Variants in STPG2 observed in about 807,000 individuals in gnomAD.
STPG2 encodes the protein sperm tail PG-rich repeat containing 2, also known as sperm-tail PG-rich repeat-containing protein 2.
In STPG2, 56 loss-of-function variants were observed where a neutral mutation model predicts 54.2. That is an observed-to-expected ratio of 1.03 (90% CI 0.83 to 1.29). The LOEUF is 1.29. STPG2 is among the 50% of genes most tolerant of loss of function. The pLI is 0.00. For missense variants in STPG2, 596 were observed against 544.9 expected (o/e 1.09, Z -0.93); for synonymous variants, 200 against 181.8 (o/e 1.10, Z -0.81).
intron 9 of STPG2, among the ~76,000 whole-genome samples, chr4:97,768,054 T>C (rs748928999): frequency 6.6e-6 from 1 of 151,784 alleles, no homozygotes; most frequent in Admixed American, 6.6e-5. Context: ...GTAGTCCCAG[T>C]TACTCGGGAA....
chr4:97,825,847 T>A (rs955922359), intron 9 of STPG2, among the ~76,000 whole-genome samples: 24 of 152,056 alleles, frequency 1.6e-4, no homozygotes, highest in African/African-American at 5.1e-4. Context: ...ATATCTTTGG[T>A]AAATAAATAA....
intron 5 of STPG2, among the ~76,000 whole-genome samples, chr4:98,054,557 TA>T (rs1737426023): frequency 6.6e-6 from 1 of 152,186 alleles, no homozygotes; most frequent in Admixed American, 6.5e-5. Context: ...GCTAATGTTT[TA>T]ACTCAAAAAT....
At chr4:98,112,064 A>G (rs545248029) in intron 3 of STPG2, among the ~76,000 whole-genome samples, 10 of 152,192 alleles carry the variant, frequency 6.6e-5, no homozygotes, top group Non-Finnish European at 1.0e-4. Flanking sequence ...GCTTGCAGAC[A>G]GCATATCATG....
At chr4:97,921,109 T>C (rs72892955) in intron 8 of STPG2, among the ~76,000 whole-genome samples, 6,107 of 152,218 alleles carry the variant, frequency 0.04, 406 homozygotes, top group African/African-American at 0.14. Flanking sequence ...ATTATTTGTG[T>C]CACTCCCATC....
chr4:97,696,185 A>T (rs1723567387), intron 10 of STPG2, among the ~76,000 whole-genome samples: 1 of 152,208 alleles, frequency 6.6e-6, no homozygotes, highest in Non-Finnish European at 1.5e-5. Flanking sequence ...CAAATGAAAC[A>T]TAATTGAACA....
At chr4:98,089,079 T>C (rs1438952319) in intron 5 of STPG2, among the ~76,000 whole-genome samples, 3 of 152,104 alleles carry the variant, frequency 2.0e-5, no homozygotes, top group Non-Finnish European at 4.4e-5. Context: ...TCAATAGTTT[T>C]TGGAGTACAG....
At chr4:97,755,887 T>C (rs1725713053) in intron 9 of STPG2, among the ~76,000 whole-genome samples, 4 of 152,226 alleles carry the variant, frequency 2.6e-5, no homozygotes, top group Admixed American at 2.6e-4. Flanking sequence ...GACAGCCTGA[T>C]GAAAAATTCT....
chr4:98,097,223 T>A (rs1435556724), intron 5 of STPG2, among the ~76,000 whole-genome samples: 1 of 151,722 alleles, frequency 6.6e-6, no homozygotes, highest in Non-Finnish European at 1.5e-5. Flanking sequence ...GATGCAAAAA[T>A]CCTCAACAAA....
chr4:97,720,524 T>G (rs773405631), intron 9 of STPG2, among the ~76,000 whole-genome samples: 4 of 151,962 alleles, frequency 2.6e-5, no homozygotes, highest in African/African-American at 4.8e-5. Context: ...GCCAAACAAA[T>G]ATCATATTAA....
At chr4:97,989,292 C>T (rs977380325) in intron 5 of STPG2, among the ~76,000 whole-genome samples, 7 of 152,100 alleles carry the variant, frequency 4.6e-5, no homozygotes, top group Non-Finnish European at 8.8e-5. Context: ...AAATACATAG[C>T]GTTAGCCTAT....
intron 5 of STPG2, among the ~76,000 whole-genome samples, chr4:98,021,577 A>C (rs1736197108): frequency 6.6e-6 from 1 of 152,022 alleles, no homozygotes; most frequent in East Asian, 1.9e-4. Flanking sequence ...ATCCTTGTTA[A>C]CTTTCTGTCT....
At chr4:97,969,944 AAGCAACTTC>A (rs2149255275) in intron 7 of STPG2, among the ~76,000 whole-genome samples, 1 of 152,318 alleles carries the variant, frequency 6.6e-6, no homozygotes, top group Non-Finnish European at 1.5e-5. Context: ...TTAAGCTGAT[AAGCAACTTC>A]AGCAAAGTCT....
At chr4:98,081,887 A>G (rs915136935) in intron 5 of STPG2, among the ~76,000 whole-genome samples, 3 of 152,224 alleles carry the variant, frequency 2.0e-5, no homozygotes, top group African/African-American at 7.2e-5. Context: ...AGTTCAGCCC[A>G]AGACTGATAA....
intron 5 of STPG2, among the ~76,000 whole-genome samples, chr4:98,085,114 TG>T (rs1397228403): frequency 6.6e-6 from 1 of 152,090 alleles, no homozygotes; most frequent in Non-Finnish European, 1.5e-5. Flanking sequence ...TTTTTTTGTA[TG>T]GGATGAATTA....
rs149011719 is a variant in STPG2, at chr4:97,570,929, GT to G, written c.1321-11813del. On this transcript the variant is annotated intron_variant, in intron 10 of 10. Transcript: ENST00000295268. ...TCTTTTTTGTGTTAATCAGTCTTTC[GT>G]TACAGGGGTTCATTTCAGTCCTATG... Among the ~76,000 whole-genome samples the G allele has an allele frequency of 3.4e-3, 524 of 151,970 alleles. 4 individuals are homozygous for G. The highest frequency in any genetic ancestry group is 0.012 in the African/African-American group (487 of 41,484).
chr4:98,005,529 A>C (rs551676293), intron 5 of STPG2, among the ~76,000 whole-genome samples: 1 of 152,298 alleles, frequency 6.6e-6, no homozygotes, highest in African/African-American at 2.4e-5. Flanking sequence ...TGAGTTTGTC[A>C]TATATAGCCT....
At position 97,448,257 on chromosome 4, in the gene STPG2, A is replaced by T. The variant is rs187387033; in HGVS notation, c.463-260424T>A. 4.2e-3 allele frequency among the ~76,000 whole-genome samples: 633 copies of T among 152,276 alleles called. 3 individuals carry two copies. The highest frequency in any genetic ancestry group is 0.02 in the South Asian group (96 of 4,826). ...TACCTTGTCTCAAATGAGACTTTGG[A>T]CTATGGGCTTTTGAGCTAATGCTGA... On this transcript the variant is annotated intron_variant, in intron 4 of 4. Transcript: ENST00000522676.
chr4:97,888,432 C>T (rs1730658954), intron 8 of STPG2, among the ~76,000 whole-genome samples: 1 of 152,194 alleles, frequency 6.6e-6, no homozygotes, highest in Non-Finnish European at 1.5e-5. Context: ...GACATAGAGT[C>T]AAGAGAGATT....
intron 1 of STPG2, among the ~76,000 whole-genome samples, chr4:98,141,958 A>C (rs990379734): frequency 4.0e-5 from 6 of 151,770 alleles, no homozygotes; most frequent in African/African-American, 1.5e-4. Context: ...AAAAAAAAAA[A>C]AAAACAGGAG....
Sources: gnomAD v4.1 joint callset for allele counts (sites outside exome capture counted in the v4.1 genomes callset) on GRCh38, gnomAD v4.1.1 for gene constraint, MANE v1.5 for transcripts, NCBI Gene and HGNC (gene_info 2026-07-23, HGNC 2026-07-21) for gene names.